SELENOH: variants seen among roughly 807,000 people sequenced by gnomAD.
SELENOH encodes the protein selenoprotein H, also known as chromosome 11 open reading frame 31.
A neutral mutation model predicts 11.9 loss-of-function variants in SELENOH; 13 were observed. The observed-to-expected ratio is 1.09, with a 90% CI of 0.71 to 1.74. The LOEUF (loss-of-function observed/expected upper bound fraction) is 1.74, where lower values mean the gene tolerates loss of function less well. Ranked by LOEUF, SELENOH falls within the 40% of genes most tolerant of loss-of-function variation. SELENOH has a pLI of 0.00. For synonymous variants in SELENOH, 96 were observed against 73.5 expected (o/e 1.31, Z -1.56); for missense variants, 223 against 170.3 (o/e 1.31, Z -1.72).
At chr11:57,742,060 A>C (rs971396111) in intron 2 of SELENOH, 57 bp from the exon 3 acceptor site, 1 of 1,588,358 alleles carries the variant, frequency 6.3e-7, no homozygotes, top group Non-Finnish European at 8.6e-7. Context: ...TCATGACTTC[A>C]GAGACGTGCT....
Position 57,742,102 on chromosome 11 carries a change from AT to A in SELENOH, c.269-13del. 1 of 1,606,912 alleles carries A rather than the reference AT, an allele frequency of 6.2e-7. No homozygotes were observed. Among genetic ancestry groups the A allele is most frequent in the Non-Finnish European group, 8.5e-7 (1 of 1,176,536 alleles). On this transcript the variant is annotated splice_polypyrimidine_tract_variant and intron_variant, in intron 2 of 3. Coordinates refer to ENST00000534355, the MANE Select transcript of SELENOH (RefSeq NM_170746.4). Reference sequence around the variant, plus strand: ...TTCCGAAGTATTGTAACTTCGCTTCATTCTGGCCTTTCAGGTGCGGAGCTCT... The same window carrying A: ...TTCCGAAGTATTGTAACTTCGCTTCATCTGGCCTTTCAGGTGCGGAGCTCT...
chr11:57,741,741 G>C (rs1301123374), intron 1 of SELENOH, 24 bp downstream of exon 1: 3 of 1,597,592 alleles, frequency 1.9e-6, no homozygotes, highest in East Asian at 2.2e-5. Flanking sequence ...AGAGTAACGG[G>C]AGAGAGGGAA....
At position 57,741,608 on chromosome 11, in the gene SELENOH, G is replaced by A. The variant is rs766209754; in HGVS notation, c.13G>A (p.Gly5Arg). Reference protein sequence around the residue: MAPRGRKRKAEAAVV... With the variant: MAPRRRKRKAEAAVV... ...GGCTCTAGGCGCCATGGCTCCCCGC[G>A]GGAGGAAGCGTAAGGCTGAGGCCGC... is the stretch of plus-strand genomic sequence containing the variant. Residue 5 changes from glycine to arginine, a missense_variant, in exon 1 of 4, where the codon GGG becomes AGG. By Grantham distance (125) the Gly-to-Arg change is moderately radical. Coordinates refer to ENST00000534355, the MANE Select transcript of SELENOH (RefSeq NM_170746.4). The A allele has an allele frequency of 2.4e-6, 3 of 1,274,126 alleles. No individual in the cohort carries two copies. The highest frequency in any genetic ancestry group is 3.0e-6 in the Non-Finnish European group (3 of 1,002,668). 78.9% of individuals were successfully genotyped at this position (1,274,126 alleles called of 1,614,324 possible).
In SELENOH at chr11:57,741,884, A is replaced by G. The variant is rs1011226756; in HGVS notation, c.198A>G (p.Pro66=). 1.3e-6 allele frequency: 2 copies of G among 1,596,642 alleles called. No individual in the cohort carries two copies. The highest frequency in any genetic ancestry group is 1.8e-5 in the Admixed American group (1 of 54,904). The change falls in exon 2 of 4, where the codon CCA becomes CCG. Residue 66 remains proline, a synonymous_variant. Coordinates refer to ENST00000534355, the MANE Select transcript of SELENOH (RefSeq NM_170746.4). ...QALRLEAPEL[P]VKVNPTKPRR... Reference sequence around the variant, plus strand: ...TGCGCCTGGAGGCCCCAGAGCTTCCAGTAAAGGTGAACCCGACGAAGCCCC... The same window carrying G: ...TGCGCCTGGAGGCCCCAGAGCTTCCGGTAAAGGTGAACCCGACGAAGCCCC...
In SELENOH at chr11:57,741,902, G is replaced by A. The variant is rs776313439; in HGVS notation, c.216G>A (p.Thr72=). ...AGCTTCCAGTAAAGGTGAACCCGACGAAGCCCCGGAGGGGCAGCTTCGAGG... is the reference window on the plus strand; with the variant it reads ...AGCTTCCAGTAAAGGTGAACCCGACAAAGCCCCGGAGGGGCAGCTTCGAGG... ...APELPVKVNP[T]KPRRGSFEVT... is the part of the protein sequence containing the mutation. The change falls in exon 2 of 4, where the codon ACG becomes ACA. Residue 72 remains threonine, a synonymous_variant. Transcript: ENST00000534355. The A allele has an allele frequency of 1.0e-5, 16 of 1,594,306 alleles. No individual in the cohort carries two copies. In the Admixed American group the frequency reaches 2.4e-4, roughly 24 times the overall value.
intron 2 of SELENOH, 71 bp downstream of exon 2, chr11:57,742,025 G>T (rs1949096318): frequency 2.5e-6 from 4 of 1,581,928 alleles, no homozygotes; most frequent in East Asian, 2.3e-5. Context: ...GACAGGAAGC[G>T]CTATTCTTAG....
rs892844080 is a variant in SELENOH at position 57,741,872 on chromosome 11, C to T, written c.186C>T (p.Ala62=). The change falls in exon 2 of 4, where the codon GCC becomes GCT. Residue 62 remains alanine, a synonymous_variant. Coordinates refer to ENST00000534355, the MANE Select transcript of SELENOH (RefSeq NM_170746.4). The stretch of plus-strand genomic sequence containing the variant: ...TGAGCCAGGCGCTGCGCCTGGAGGC[C>T]CCAGAGCTTCCAGTAAAGGTGAACC... The part of the protein sequence containing the change: ...AALSQALRLE[A]PELPVKVNPT... 4.4e-6 allele frequency: 7 copies of T among 1,599,630 alleles called. No homozygotes were observed. The African/African-American group carries it at 6.8e-5, about 15-fold the overall frequency.
At chr11:57,742,453 C>T (rs962110547) in intron 3 of SELENOH, 6 of 516,492 alleles carry the variant, frequency 1.2e-5, no homozygotes, top group African/African-American at 5.7e-5. Flanking sequence ...TGTTTTCTGT[C>T]TAGTGTGCCC....
chr11:57,741,578 G>T lies in SELENOH; in HGVS notation c.-18G>T. 7.9e-7 allele frequency: 1 copy of T among 1,258,212 alleles called. No individual in the cohort carries two copies. Among genetic ancestry groups the T allele is most frequent in the Non-Finnish European group, 1.0e-6 (1 of 994,616 alleles). 77.9% of individuals were successfully genotyped at this position (1,258,212 alleles called of 1,614,324 possible). On this transcript the variant is annotated 5_prime_UTR_variant, in exon 1 of 4. Coordinates refer to ENST00000534355, the MANE Select transcript of SELENOH (RefSeq NM_170746.4). ...CACCCACCAGTCCCGCTGCATTCTC[G>T]GCCGGGCTCTAGGCGCCATGGCTCC...
rs375720963 is a variant in SELENOH, at chr11:57,741,646, A to T, written c.51A>T (p.Val17=). The T allele has an allele frequency of 1.0e-4, 140 of 1,390,398 alleles. No individual in the cohort carries two copies. The highest frequency in any genetic ancestry group is 1.2e-4 in the Non-Finnish European group (132 of 1,067,186). The allele number at this position is 1,390,398 out of a possible 1,614,324, so 86.1% of individuals were successfully genotyped here. A position where few individuals can be genotyped will look rare whatever the true frequency, so the allele number is the denominator to read the frequency against. Residue 17 remains valine (V), a synonymous_variant, in exon 1 of 4, where the codon GTA becomes GTT. Transcript: ENST00000534355. ...KRKAEAAVVA[V]AEKREKLANG... is the part of the protein sequence containing the mutation. ...AGGCTGAGGCCGCGGTGGTCGCCGT[A>T]GCCGAGAAGCGAGAGAAGCTGGCGA... is the stretch of plus-strand genomic sequence containing the variant.
chr11:57,742,302 T>C (rs943700320), intron 3 of SELENOH, 55 bp downstream of exon 3: 3 of 1,323,760 alleles, frequency 2.3e-6, no homozygotes, highest in Non-Finnish European at 3.2e-6. Context: ...AAGGCATTGA[T>C]CTTGGTGTGG....
Position 57,741,583 on chromosome 11 carries a change from G to A in SELENOH, c.-13G>A. On this transcript the variant is annotated 5_prime_UTR_variant, in exon 1 of 4. Coordinates refer to ENST00000534355, the MANE Select transcript of SELENOH (RefSeq NM_170746.4). Reference sequence around the variant, plus strand: ...ACCAGTCCCGCTGCATTCTCGGCCGGGCTCTAGGCGCCATGGCTCCCCGCG... The same window carrying A: ...ACCAGTCCCGCTGCATTCTCGGCCGAGCTCTAGGCGCCATGGCTCCCCGCG... The A allele has an allele frequency of 7.9e-7, 1 of 1,261,382 alleles. No individual in the cohort carries two copies. The highest frequency in any genetic ancestry group is 3.9e-5 in the Admixed American group (1 of 25,554). The allele number at this position is 1,261,382 out of a possible 1,614,324, so 78.1% of individuals were successfully genotyped here.
In SELENOH at chr11:57,741,552, C is replaced by G; in HGVS notation, c.-44C>G. ...CGCTCAGTGGTCGCGTCTCCGCCCC[C>G]CACCCACCAGTCCCGCTGCATTCTC... On this transcript the variant is annotated 5_prime_UTR_variant, in exon 1 of 4. Coordinates refer to ENST00000534355, the MANE Select transcript of SELENOH (RefSeq NM_170746.4). 1.6e-6 allele frequency: 2 copies of G among 1,244,232 alleles called. No individual in the cohort carries two copies. Among genetic ancestry groups the G allele is most frequent in the South Asian group, 4.1e-5 (1 of 24,302 alleles). The allele number at this position is 1,244,232 out of a possible 1,614,324, so 77.1% of individuals were successfully genotyped here.
At chr11:57,741,739 G>A (rs1949078177) in intron 1 of SELENOH, 22 bp downstream of exon 1, 1 of 1,595,836 alleles carries the variant, frequency 6.3e-7, no homozygotes, top group African/African-American at 1.3e-5. Context: ...GGAGAGTAAC[G>A]GGAGAGAGGG....
intron 2 of SELENOH, 39 bp from the exon 3 acceptor site, chr11:57,742,078 T>G (rs763474985): frequency 1.3e-6 from 2 of 1,593,966 alleles, no homozygotes; most frequent in South Asian, 1.1e-5. Context: ...GCTCGTGGGT[T>G]CCGAAGTATT....
chr11:57,742,064 A>G, intron 2 of SELENOH, 53 bp from the exon 3 acceptor site: 1 of 1,590,066 alleles, frequency 6.3e-7, no homozygotes, highest in Non-Finnish European at 8.6e-7. Context: ...GACTTCAGAG[A>G]CGTGCTCGTG....
chr11:57,742,506 C>T, intron 3 of SELENOH: 2 of 405,938 alleles, frequency 4.9e-6, no homozygotes, highest in Non-Finnish European at 9.0e-6. Context: ...GTTGACTTGC[C>T]CTGGGGGTAT....
rs1949134625 is a variant in SELENOH at position 57,743,531 on chromosome 11, ATAATT to A, written c.*702_*706del. 6.6e-6 allele frequency: 1 copy of A among 152,230 alleles called. No homozygotes were observed. The highest frequency in any genetic ancestry group is 1.5e-5 in the Non-Finnish European group (1 of 68,058). 9.4% of individuals were successfully genotyped at this position (152,230 alleles called of 1,614,324 possible). On this transcript the variant is annotated 3_prime_UTR_variant, in exon 4 of 4. Coordinates refer to ENST00000534355, the MANE Select transcript of SELENOH (RefSeq NM_170746.4). ...TGTAAAAATTATGGGAGCAAAGTAA[ATAATT>A]TATTTTTTAAAAAAGCAACTGTATC...
In SELENOH at chr11:57,741,846, C is replaced by G; in HGVS notation, c.160C>G (p.Leu54Val). 6.2e-7 allele frequency: 1 copy of G among 1,606,098 alleles called. No homozygotes were observed. Among genetic ancestry groups the G allele is most frequent in the Non-Finnish European group, 8.5e-7 (1 of 1,176,828 alleles). ...URVYGRNAAA[L>V]SQALRLEAPE... is the part of the protein sequence containing the mutation. ...CGTCTATGGGCGCAACGCCGCGGCC[C>G]TGAGCCAGGCGCTGCGCCTGGAGGC... The change falls in exon 2 of 4, where the codon CTG becomes GTG. Residue 54 changes from leucine to valine, a missense_variant. Transcript: ENST00000534355.
Sources: gnomAD v4.1 joint callset for allele counts on GRCh38, gnomAD v4.1.1 for gene constraint, MANE v1.5 for transcripts, NCBI Gene and HGNC (gene_info 2026-07-23, HGNC 2026-07-21) for gene names.